The following GRIP1 variants were observed in gnomAD, a reference collection of about 807,000 sequenced individuals.
GRIP1 encodes glutamate receptor interacting protein 1.
In GRIP1, 45 loss-of-function variants were observed where a neutral mutation model predicts 129.9. The ratio of observed to expected loss-of-function variants is 0.35; its 90% CI spans 0.27 to 0.44. The LOEUF (loss-of-function observed/expected upper bound fraction) is 0.44. Ranked by LOEUF, GRIP1 falls within the 20% of genes least tolerant of loss-of-function variation. The probability of loss-of-function intolerance (pLI) is 1.00; values close to 1 mark genes in which losing one functional copy is unlikely to be tolerated. For synonymous variants in GRIP1, 530 were observed against 520.8 expected, an observed-to-expected ratio of 1.02 and a Z score of -0.24; for missense variants, 1,196 against 1,396.8, an observed-to-expected ratio of 0.86 and a Z score of 2.29.
chr12:66,586,737 G>T (rs1433909986), intron 2 of GRIP1, among the ~76,000 whole-genome samples: 1 of 152,034 alleles, frequency 6.6e-6, no homozygotes, highest in East Asian at 1.9e-4. Flanking sequence ...TTGTCAGTAG[G>T]TTATTTAGGT....
chr12:67,038,239 C>T (rs1186662872), intron 1 of GRIP1, among the ~76,000 whole-genome samples: 1 of 152,172 alleles, frequency 6.6e-6, no homozygotes, highest in Non-Finnish European at 1.5e-5. Flanking sequence ...CTGGCAGAAG[C>T]CCCAATAAGG....
chr12:66,975,824 T>A (rs1471940456), intron 1 of GRIP1, among the ~76,000 whole-genome samples: 1 of 152,160 alleles, frequency 6.6e-6, no homozygotes, highest in Admixed American at 6.5e-5. Flanking sequence ...TAGTAGTCAA[T>A]GGACACAGAT....
At chr12:66,939,342 G>T (rs2041545957) in intron 1 of GRIP1, among the ~76,000 whole-genome samples, 1 of 145,142 alleles carries the variant, frequency 6.9e-6, no homozygotes, top group South Asian at 2.3e-4. Flanking sequence ...GCAAGACCCT[G>T]TCTCAAAAAC....
At chr12:66,438,075 G>T (rs549635958) in intron 13 of GRIP1, among the ~76,000 whole-genome samples, 2 of 152,342 alleles carry the variant, frequency 1.3e-5, no homozygotes, top group East Asian at 1.9e-4. Context: ...CATTAATGTT[G>T]TGTTATTGTA....
At chr12:66,717,117 C>T (rs536386390) in intron 1 of GRIP1, among the ~76,000 whole-genome samples, 84 of 152,024 alleles carry the variant, frequency 5.5e-4, no homozygotes, top group Non-Finnish European at 9.1e-4. Flanking sequence ...TTCTGTTACC[C>T]TAGAAAGAAA....
At chr12:66,521,773 G>A (rs1454123294) in intron 5 of GRIP1, among the ~76,000 whole-genome samples, 5 of 152,202 alleles carry the variant, frequency 3.3e-5, no homozygotes, top group African/African-American at 4.8e-5. Flanking sequence ...GGTGACAGAC[G>A]GCACCTGGAA....
intron 1 of GRIP1, among the ~76,000 whole-genome samples, chr12:66,719,940 G>A (rs141600599): frequency 6.6e-6 from 1 of 152,276 alleles, no homozygotes; most frequent in Non-Finnish European, 1.5e-5. Context: ...CACACAATGA[G>A]TTTGGAGCAG....
chr12:66,859,199 C>T (rs1026660958), intron 1 of GRIP1, among the ~76,000 whole-genome samples: 1 of 137,064 alleles, frequency 7.3e-6, no homozygotes, highest in Non-Finnish European at 1.6e-5. Flanking sequence ...CTAAACGCAA[C>T]AAATTGCCAG....
At chr12:66,398,289 C>T (rs184010541) in intron 16 of GRIP1, among the ~76,000 whole-genome samples, 2 of 149,996 alleles carry the variant, frequency 1.3e-5, no homozygotes, top group Admixed American at 6.6e-5. Context: ...TTCATTGGTT[C>T]CTCAGTTCTT....
At chr12:66,514,189 G>A (rs577967349) in intron 7 of GRIP1, among the ~76,000 whole-genome samples, 5 of 152,078 alleles carry the variant, frequency 3.3e-5, no homozygotes, top group Non-Finnish European at 7.4e-5. Flanking sequence ...ATAAGAGCAG[G>A]GACCAGGTCT....
At chr12:66,905,576 T>C (rs2040917883) in intron 1 of GRIP1, among the ~76,000 whole-genome samples, 1 of 152,236 alleles carries the variant, frequency 6.6e-6, no homozygotes, top group African/African-American at 2.4e-5. Flanking sequence ...AGGAAATAAT[T>C]GCAAATCAAA....
intron 1 of GRIP1, among the ~76,000 whole-genome samples, chr12:66,901,698 G>C (rs1448463764): frequency 1.3e-5 from 2 of 152,148 alleles, no homozygotes; most frequent in Admixed American, 1.3e-4. Flanking sequence ...GAGACTTACT[G>C]TTCTGCAAAT....
At chr12:66,550,429 T>G (rs2062087552) in intron 2 of GRIP1, among the ~76,000 whole-genome samples, 1 of 152,216 alleles carries the variant, frequency 6.6e-6, no homozygotes, top group South Asian at 2.1e-4. Flanking sequence ...TCTACTATAT[T>G]TTGATTGTTA....
Position 66,742,196 on chromosome 12 carries a change from GTTTC to G in GRIP1, c.-420+61853_-420+61856del, listed in dbSNP as rs562505124. 2.3e-3 allele frequency among the ~76,000 whole-genome samples: 357 copies of G among 152,244 alleles called. 1 individual carries two copies. The highest frequency in any genetic ancestry group is 8.3e-3 in the African/African-American group (345 of 41,544). ...AAGTTTCCTCTCTGAGAGGTCTGGTGTTTCTTTCTGACATTAACTGTGCTGTTAT... is the reference window on the plus strand; with the variant it reads ...AAGTTTCCTCTCTGAGAGGTCTGGTGTTTCTGACATTAACTGTGCTGTTAT... On this transcript the variant is annotated intron_variant, in intron 1 of 4. Transcript: ENST00000538373.
chr12:66,674,684 T>C (rs542641777), intron 1 of GRIP1, among the ~76,000 whole-genome samples: 1 of 152,308 alleles, frequency 6.6e-6, no homozygotes, highest in Admixed American at 6.5e-5. Flanking sequence ...CCTAGACGAA[T>C]GTCTGACCTT....
At chr12:66,385,154 T>A (rs943807299) in intron 19 of GRIP1, among the ~76,000 whole-genome samples, 2 of 152,142 alleles carry the variant, frequency 1.3e-5, no homozygotes, top group African/African-American at 4.8e-5. Flanking sequence ...AATACACATA[T>A]AATATTGGAA....
chr12:66,875,537 T>A (rs1469406533), intron 1 of GRIP1, among the ~76,000 whole-genome samples: 1 of 152,092 alleles, frequency 6.6e-6, no homozygotes, highest in Non-Finnish European at 1.5e-5. Context: ...AAGCCTGGTA[T>A]CACTGCTACT....
intron 1 of GRIP1, among the ~76,000 whole-genome samples, chr12:66,741,569 A>G (rs1380242676): frequency 2.0e-5 from 3 of 152,370 alleles, no homozygotes; most frequent in Non-Finnish European, 4.4e-5. Flanking sequence ...TTCTGTAGTC[A>G]CATGTAAGCA....
intron 1 of GRIP1, among the ~76,000 whole-genome samples, chr12:66,889,681 T>G (rs1220251101): frequency 1.3e-5 from 2 of 152,216 alleles, no homozygotes; most frequent in African/African-American, 4.8e-5. Context: ...TCAATTTTCT[T>G]AAGCTCATAG....
Sources: gnomAD v4.1 joint callset for allele counts (sites outside exome capture counted in the v4.1 genomes callset) on GRCh38, gnomAD v4.1.1 for gene constraint, MANE v1.5 for transcripts, NCBI Gene and HGNC (gene_info 2026-07-23, HGNC 2026-07-21) for gene names.